OR2L13: variants seen among roughly 807,000 people sequenced by gnomAD.
OR2L13 encodes olfactory receptor family 2 subfamily L member 13.
A neutral mutation model predicts 15.3 loss-of-function variants in OR2L13; 14 were observed. The observed-to-expected ratio is 0.91, with a 90% confidence interval of 0.60 to 1.43. The LOEUF is 1.43. Ranked by LOEUF, OR2L13 falls within the 40% of genes most tolerant of loss-of-function variation. OR2L13 has a pLI of 0.00. For missense variants in OR2L13, 367 were observed against 387.9 expected (o/e 0.95, Z 0.45); for synonymous variants, 152 against 142.9 (o/e 1.06, Z -0.45).
chr1:248,044,137 C>G, the OR2L13 span, among the ~76,000 whole-genome samples: 1 of 152,230 alleles, frequency 6.6e-6, no homozygotes, highest in East Asian at 1.9e-4. Context: ...GGCTCATTTT[C>G]CAGCCCTCAC....
the OR2L13 span, among the ~76,000 whole-genome samples, chr1:247,973,662 C>G: frequency 4.6e-5 from 7 of 152,104 alleles, no homozygotes; most frequent in African/African-American, 9.6e-5. Flanking sequence ...ATGTGGCCAA[C>G]AAACATTTGA....
chr1:247,961,641 C>A, the OR2L13 span, among the ~76,000 whole-genome samples: 1 of 152,092 alleles, frequency 6.6e-6, no homozygotes, highest in South Asian at 2.1e-4. Flanking sequence ...AGAAATTTGT[C>A]CCAAGATCAG....
chr1:247,973,485 TAGACAGAC>T, the OR2L13 span, among the ~76,000 whole-genome samples: 1 of 151,974 alleles, frequency 6.6e-6, no homozygotes, highest in African/African-American at 2.4e-5. Context: ...ACATCAATAA[TAGACAGAC>T]AGAGAGCCAA....
chr1:247,957,216 A>T, the OR2L13 span, among the ~76,000 whole-genome samples: 1 of 151,954 alleles, frequency 6.6e-6, no homozygotes. Context: ...GGTTTTTGTC[A>T]TTGGTTCTGT....
the OR2L13 span, among the ~76,000 whole-genome samples, chr1:248,004,752 C>T: frequency 2.0e-5 from 3 of 152,116 alleles, no homozygotes; most frequent in African/African-American, 7.2e-5. Flanking sequence ...AGTTCTTTAA[C>T]CCATTTTGAG....
the OR2L13 span, among the ~76,000 whole-genome samples, chr1:248,076,553 G>T: frequency 3.3e-5 from 5 of 152,154 alleles, no homozygotes; most frequent in South Asian, 1.0e-3. Flanking sequence ...CCTTGAAAAG[G>T]TCCTTCATAT....
chr1:248,082,123 A>G, the OR2L13 span, among the ~76,000 whole-genome samples: 1 of 147,688 alleles, frequency 6.8e-6, no homozygotes. Context: ...CTGGATTAAG[A>G]AAATGTGGCA....
chr1:248,040,498 C>T, the OR2L13 span: 1 of 152,290 alleles, frequency 6.6e-6, no homozygotes, highest in Non-Finnish European at 1.5e-5. Context: ...ACAAGTACAA[C>T]CTCTCCTCCT....
chr1:248,088,617 G>A, the OR2L13 span, among the ~76,000 whole-genome samples: 1 of 152,202 alleles, frequency 6.6e-6, no homozygotes, highest in Non-Finnish European at 1.5e-5. Flanking sequence ...GCAAGGCAGA[G>A]TAAAGTTGAT....
the OR2L13 span, among the ~76,000 whole-genome samples, chr1:248,015,943 A>C: frequency 1.3e-5 from 2 of 152,210 alleles, no homozygotes; most frequent in East Asian, 3.9e-4. Context: ...GGAAAACTGC[A>C]GTATCTAGAC....
the OR2L13 span, among the ~76,000 whole-genome samples, chr1:247,994,365 C>G: frequency 6.6e-6 from 1 of 152,116 alleles, no homozygotes; most frequent in Non-Finnish European, 1.5e-5. Context: ...CCACTGCACT[C>G]CAGCCGGGGC....
At chr1:248,003,128 C>T in the OR2L13 span, 2 of 1,272,786 alleles carry the variant, frequency 1.6e-6, no homozygotes, top group African/African-American at 1.4e-5. Context: ...GTAGGAATGC[C>T]CCATGGAAAA....
chr1:248,040,621 C>G, the OR2L13 span: 2 of 152,138 alleles, frequency 1.3e-5, no homozygotes, highest in African/African-American at 4.8e-5. Context: ...ATGATTTTCT[C>G]AATAAGATAT....
At chr1:248,090,437 C>T (rs1466218448), upstream of OR2L13, among the ~76,000 whole-genome samples, 1 of 152,098 alleles carries the variant, frequency 6.6e-6, no homozygotes, top group African/African-American at 2.4e-5. Flanking sequence ...CTCATTGTCT[C>T]TCACCTTCCA....
the OR2L13 span, among the ~76,000 whole-genome samples, chr1:248,015,459 A>T: frequency 5.6e-3 from 857 of 152,294 alleles, 13 homozygotes; most frequent in Middle Eastern, 0.024. Flanking sequence ...ATTCAGGTAC[A>T]GACAGCTTGT....
chr1:247,981,370 T>C, the OR2L13 span, among the ~76,000 whole-genome samples: 1 of 152,166 alleles, frequency 6.6e-6, no homozygotes, highest in Non-Finnish European at 1.5e-5. Context: ...AGCAATAATA[T>C]ATATTTTTTA....
At chr1:247,977,213 G>C in the OR2L13 span, among the ~76,000 whole-genome samples, 1 of 152,038 alleles carries the variant, frequency 6.6e-6, no homozygotes, top group African/African-American at 2.4e-5. Context: ...ATACCTCAAA[G>C]CATGTTTATG....
the OR2L13 span, among the ~76,000 whole-genome samples, chr1:248,014,743 C>T: frequency 6.6e-6 from 1 of 152,124 alleles, no homozygotes; most frequent in African/African-American, 2.4e-5. Flanking sequence ...TCAAGTAATA[C>T]ACGGTCACTA....
chr1:248,088,458 T>C, the OR2L13 span, among the ~76,000 whole-genome samples: 1 of 152,204 alleles, frequency 6.6e-6, no homozygotes, highest in East Asian at 1.9e-4. Context: ...AAAAGATGCA[T>C]AATAAAATTG....
Sources: gnomAD v4.1 joint callset for allele counts (sites outside exome capture counted in the v4.1 genomes callset) on GRCh38, gnomAD v4.1.1 for gene constraint, MANE v1.5 for transcripts, NCBI Gene and HGNC (gene_info 2026-07-23, HGNC 2026-07-21) for gene names.